MPHOSPH8: variants seen among roughly 807,000 people sequenced by gnomAD.
MPHOSPH8 encodes M-phase phosphoprotein, mpp.
Under a neutral mutation model 87.3 loss-of-function variants are expected in MPHOSPH8, and 45 were observed. The observed-to-expected ratio is 0.52, with a 90% confidence interval of 0.41 to 0.66. The LOEUF (loss-of-function observed/expected upper bound fraction) is 0.66. Among genes scored for constraint, MPHOSPH8 ranks in the 30% least tolerant of loss-of-function variants. MPHOSPH8 has a pLI of 0.00. For missense variants in MPHOSPH8, 883 were observed against 1,020.2 expected, an observed-to-expected ratio of 0.87 and a Z score of 1.83; for synonymous variants, 366 against 376.9, an observed-to-expected ratio of 0.97 and a Z score of 0.33.
At chr13:19,656,530 C>T (rs1346124241) in intron 5 of MPHOSPH8, among the ~76,000 whole-genome samples, 3 of 151,810 alleles carry the variant, frequency 2.0e-5, no homozygotes, top group Non-Finnish European at 4.4e-5. Flanking sequence ...GAGGCCGAGG[C>T]GGGTGGCTCA....
At chr13:19,670,790 T>C (rs760519058) in intron 12 of MPHOSPH8, 1 of 1,221,998 alleles carries the variant, frequency 8.2e-7, no homozygotes, top group South Asian at 1.5e-5. Flanking sequence ...CATTTGTATA[T>C]TTTTAATAAA....
chr13:19,666,615 A>AT (rs1491104388), intron 10 of MPHOSPH8, 36 bp downstream of exon 10: 10 of 1,541,782 alleles, frequency 6.5e-6, no homozygotes, highest in African/African-American at 1.4e-5. Context: ...GTTAAGTCAC[A>AT]TATCATACAT....
At position 19,673,068 on chromosome 13, in the gene MPHOSPH8, A is replaced by G. The variant is rs768560703; in HGVS notation, c.*1193A>G. The G allele has an allele frequency of 4.6e-6, 2 of 439,040 alleles. No homozygotes were observed. Among genetic ancestry groups the G allele is most frequent in the South Asian group, 3.2e-5 (2 of 61,708 alleles). 27.2% of individuals were successfully genotyped at this position (439,040 alleles called of 1,614,324 possible). A position where few individuals can be genotyped will look rare whatever the true frequency, so the allele number is the denominator to read the frequency against. ...AGACCTTGTCTCAAAAAAAAAAAAA[A>G]GTTTCTTGGAACCTATACGGTTTTT... On this transcript the variant is annotated 3_prime_UTR_variant, in exon 14 of 14. Transcript: ENST00000361479.
In MPHOSPH8 at chr13:19,663,074, C is replaced by G. The variant is rs766874821; in HGVS notation, c.1967C>G (p.Ala656Gly). 1 of 1,613,942 alleles carries G rather than the reference C, an allele frequency of 6.2e-7. No homozygotes were observed. Among genetic ancestry groups the G allele is most frequent in the Non-Finnish European group, 8.5e-7 (1 of 1,179,778 alleles). Reference sequence around the variant, plus strand: ...ACAACAGTGGCTATTCTTTTGGAAGCAGGAGCTTTTGTAAATGTCCAGCAA... The same window carrying G: ...ACAACAGTGGCTATTCTTTTGGAAGGAGGAGCTTTTGTAAATGTCCAGCAA... ...FLTTVAILLE[A>G]GAFVNVQQSN... is the part of the protein sequence containing the mutation. The change falls in exon 9 of 14, where the codon GCA becomes GGA. Residue 656 changes from alanine to glycine, a missense_variant. By Grantham distance (60) the Ala-to-Gly change is moderately conservative. This residue lies in a region of MPHOSPH8 where 741 missense variants were observed against 841.5 expected (regional missense o/e 0.88). Transcript: ENST00000361479.
rs147847042 is a variant in MPHOSPH8 at position 19,643,274 on chromosome 13, G to C, written c.369+1004G>C. On this transcript the variant is annotated intron_variant, in intron 2 of 13. Transcript: ENST00000361479. ...CTCATTTATTTTTAAATACAGTCTT[G>C]CTTCTGTCACCCAGGCTGGAGTGCA... 2.3e-3 allele frequency among the ~76,000 whole-genome samples: 344 copies of C among 151,940 alleles called. 1 individual carries two copies. The highest frequency in any genetic ancestry group is 7.7e-3 in the African/African-American group (320 of 41,434).
At chr13:19,663,525 G>GGGAC (rs1448471041) in intron 9 of MPHOSPH8, among the ~76,000 whole-genome samples, 8 of 152,234 alleles carry the variant, frequency 5.3e-5, no homozygotes, top group African/African-American at 1.9e-4. Flanking sequence ...GCCTAGGGGT[G>GGGAC]GGACGGAGTT....
intron 10 of MPHOSPH8, among the ~76,000 whole-genome samples, 191 bp downstream of exon 10, chr13:19,666,770 C>T (rs1032820103): frequency 6.6e-6 from 1 of 152,192 alleles, no homozygotes; most frequent in African/African-American, 2.4e-5. Context: ...AGTTATTTAA[C>T]TCTCAGAAAA....
chr13:19,663,178 G>A (rs560789199), intron 9 of MPHOSPH8, 52 bp downstream of exon 9: 29 of 1,469,940 alleles, frequency 2.0e-5, no homozygotes, highest in African/African-American at 8.3e-5. Context: ...GCAGGTGCTC[G>A]TGTTGGCATC....
chr13:19,652,385 G>A (rs1445434809), intron 5 of MPHOSPH8, among the ~76,000 whole-genome samples: 2 of 152,110 alleles, frequency 1.3e-5, no homozygotes, highest in African/African-American at 4.8e-5. Context: ...CATGAGGAAC[G>A]GTGCACTCTG....
chr13:19,646,402 AAT>A (rs765818550), intron 2 of MPHOSPH8, 39 bp from the exon 3 acceptor site: 5 of 1,338,458 alleles, frequency 3.7e-6, no homozygotes, highest in South Asian at 2.3e-5. Flanking sequence ...CTTTAAAATC[AAT>A]ATGTTAATGA....
rs1875935803 is a variant in MPHOSPH8 at position 19,668,402 on chromosome 13, A to G, written c.2200A>G (p.Ile734Val). The G allele has an allele frequency of 3.7e-6, 6 of 1,613,980 alleles. No homozygotes were observed. The highest frequency in any genetic ancestry group is 2.7e-5 in the African/African-American group (2 of 74,926). ...ETLSRVAEET[I>V]KDYFEARLAL... is the part of the protein sequence containing the mutation. The stretch of plus-strand genomic sequence containing the variant: ...ACTTTCAAGAGTAGCAGAAGAGACA[A>G]TAAAGGATTACTTTGAAGCTCGCCT... Residue 734 changes from isoleucine to valine, a missense_variant, in exon 11 of 14, where the codon ATA (isoleucine) becomes GTA (valine). This residue lies in a region of MPHOSPH8 where 741 missense variants were observed against 841.5 expected (regional missense o/e 0.88). Coordinates refer to ENST00000361479, the MANE Select transcript of MPHOSPH8 (RefSeq NM_017520.4).
chr13:19,670,008 A>C (rs1290176176), intron 11 of MPHOSPH8, among the ~76,000 whole-genome samples: 28 of 152,204 alleles, frequency 1.8e-4, no homozygotes, highest in Admixed American at 1.6e-3. Flanking sequence ...TTTTCCAGGA[A>C]CTGTCAGCAG....
Position 19,666,518 on chromosome 13 carries a change from C to A in MPHOSPH8, c.2113C>A (p.His705Asn). 6.2e-7 allele frequency: 1 copy of A among 1,607,774 alleles called. No individual in the cohort carries two copies. Among genetic ancestry groups the A allele is most frequent in the Non-Finnish European group, 8.5e-7 (1 of 1,174,694 alleles). The stretch of plus-strand genomic sequence containing the variant: ...GTCAAAGCACCAGAATAGTGCCCTG[C>A]ACTTTGCGAAGCAGTCTAACAATGT... ...ILSKHQNSAL[H>N]FAKQSNNVLV... The change falls in exon 10 of 14, where the codon CAC becomes AAC. Residue 705 changes from histidine to asparagine, a missense_variant. This residue lies in a region of MPHOSPH8 where 741 missense variants were observed against 841.5 expected (regional missense o/e 0.88). Transcript: ENST00000361479.
rs1875954348 is a variant in MPHOSPH8 at position 19,668,678 on chromosome 13, C to T, written c.2329+147C>T. ...TGCAGACCGGTTAACAGTAGAGCCA[C>T]TCTGGTGGAAGAGACATCCAGCTGA... is the stretch of plus-strand genomic sequence containing the variant. On this transcript the variant is annotated intron_variant, in intron 11 of 13. Coordinates refer to ENST00000361479, the MANE Select transcript of MPHOSPH8 (RefSeq NM_017520.4). 3 of 895,882 alleles carry T rather than the reference C, an allele frequency of 3.3e-6. No individual in the cohort carries two copies. The Admixed American group carries it at 8.8e-5, about 26-fold the overall frequency. 55.5% of individuals were successfully genotyped at this position (895,882 alleles called of 1,614,324 possible).
intron 5 of MPHOSPH8, among the ~76,000 whole-genome samples, chr13:19,654,731 C>G (rs553604794): frequency 1.3e-5 from 2 of 152,218 alleles, no homozygotes; most frequent in African/African-American, 4.8e-5. Context: ...GGTGAATCAC[C>G]TGAGGTCGGG....
Position 19,672,736 on chromosome 13 carries a change from G to C in MPHOSPH8, c.*861G>C, listed in dbSNP as rs945831142. ...TAGTCACTTATCATCTTTTCAAAGG[G>C]TAACAAGAGAATCTAAGATGTAGTA... On this transcript the variant is annotated 3_prime_UTR_variant, in exon 14 of 14. Coordinates refer to ENST00000361479, the MANE Select transcript of MPHOSPH8 (RefSeq NM_017520.4). 3 of 168,282 alleles carry C rather than the reference G, an allele frequency of 1.8e-5. No individual in the cohort carries two copies. Among genetic ancestry groups the C allele is most frequent in the African/African-American group, 7.2e-5 (3 of 41,934 alleles). The allele number at this position is 168,282 out of a possible 1,614,324, so 10.4% of individuals were successfully genotyped here. A position where few individuals can be genotyped will look rare whatever the true frequency, so the allele number is the denominator to read the frequency against.
At chr13:19,662,919 C>T (rs1245495755) in intron 8 of MPHOSPH8, 121 bp from the exon 9 acceptor site, 17 of 841,768 alleles carry the variant, frequency 2.0e-5, no homozygotes, top group East Asian at 1.8e-4. Flanking sequence ...TGCTGCAGCC[C>T]GCAACCACTT....
intron 1 of MPHOSPH8, among the ~76,000 whole-genome samples, chr13:19,638,855 A>G (rs546948373): frequency 6.6e-6 from 1 of 151,770 alleles, no homozygotes; most frequent in African/African-American, 2.4e-5. Context: ...GAATGGTGCT[A>G]GCGGATCTCT....
intron 9 of MPHOSPH8, among the ~76,000 whole-genome samples, chr13:19,666,014 C>T (rs1008193704): frequency 6.6e-6 from 1 of 152,282 alleles, no homozygotes; most frequent in Middle Eastern, 3.4e-3. Context: ...GAAGGCCAGG[C>T]TTACGTATCT....
Sources: allele counts gnomAD v4.1 joint callset (sites outside exome capture counted in the v4.1 genomes callset), GRCh38; gene constraint gnomAD v4.1.1; regional missense constraint gnomAD v4.1.1; transcripts MANE v1.5; gene names NCBI Gene and HGNC (gene_info 2026-07-23, HGNC 2026-07-21).